The following SMC2 variants were observed in gnomAD, a reference collection of about 807,000 sequenced individuals.
The protein encoded by SMC2 is structural maintenance of chromosomes 2, also known as structural maintenance of chromosomes protein 2.
SMC2 carries 41 observed loss-of-function variants against 142.6 expected under a neutral mutation model. The ratio of observed to expected loss-of-function variants is 0.29; its 90% CI spans 0.22 to 0.37. SMC2 has a LOEUF of 0.37. Ranked by LOEUF, SMC2 falls within the 10% of genes least tolerant of loss-of-function variation. SMC2 has a pLI of 1.00. For missense variants in SMC2, 1,265 were observed against 1,373.7 expected (o/e 0.92, Z 1.25); for synonymous variants, 463 against 457.5 (o/e 1.01, Z -0.15).
At chr9:104,112,227 C>A (rs946087255) in intron 10 of SMC2, among the ~76,000 whole-genome samples, 6 of 152,188 alleles carry the variant, frequency 3.9e-5, no homozygotes, top group African/African-American at 1.4e-4. Flanking sequence ...GCCTGCCATA[C>A]CTAGTTCTTA....
intron 7 of SMC2, 42 bp from the exon 8 acceptor site, chr9:104,101,918 A>T (rs933240477): frequency 1.6e-6 from 2 of 1,258,598 alleles, no homozygotes; most frequent in Non-Finnish European, 2.2e-6. Context: ...TTTTTTTTTA[A>T]TACAATTTTG....
chr9:104,093,783 G>A (rs1830155321), upstream of SMC2, among the ~76,000 whole-genome samples: 1 of 150,630 alleles, frequency 6.6e-6, no homozygotes, highest in Non-Finnish European at 1.5e-5. Flanking sequence ...GCCAGGACGC[G>A]GGCCAGAGTC....
chr9:104,119,919 A>G (rs1833538798), intron 15 of SMC2, 108 bp from the exon 16 acceptor site: 2 of 1,070,716 alleles, frequency 1.9e-6, no homozygotes, highest in Non-Finnish European at 1.4e-6. Context: ...GCTCATTAAA[A>G]TATTTACTAT....
intron 13 of SMC2, among the ~76,000 whole-genome samples, chr9:104,115,816 C>T (rs1833041287): frequency 6.6e-6 from 1 of 152,126 alleles, no homozygotes; most frequent in Admixed American, 6.5e-5. Flanking sequence ...TCCTACCCAA[C>T]TGCAAATATG....
In SMC2 at chr9:104,096,220, A is replaced by G. The variant is rs772178039; in HGVS notation, c.241A>G (p.Ile81Val). 10 of 1,613,922 alleles carry G rather than the reference A, an allele frequency of 6.2e-6. No individual in the cohort carries two copies. The highest frequency in any genetic ancestry group is 3.3e-5 in the South Asian group (3 of 91,084). ...QAGITKASVS[I>V]TFDNSDKKQS... ...TGGTATTACCAAAGCCTCTGTGTCAATCACTTTTGATAATTCTGACAAAAA... is the reference window on the plus strand; with the variant it reads ...TGGTATTACCAAAGCCTCTGTGTCAGTCACTTTTGATAATTCTGACAAAAA... The change falls in exon 3 of 25, where the codon ATC (isoleucine) becomes GTC (valine). Residue 81 changes from isoleucine to valine, a missense_variant. Physicochemically the swap from Ile to Val is conservative, Grantham distance 29 (BLOSUM62 3). Around this residue, in one of 4 missense-constraint regions of SMC2, gnomAD observed 168 missense variants for 184.8 expected, o/e 0.91. Transcript: ENST00000374793.
At chr9:104,109,586 CGAA>C (rs1832193592) in intron 9 of SMC2, among the ~76,000 whole-genome samples, 1 of 152,090 alleles carries the variant, frequency 6.6e-6, no homozygotes. Flanking sequence ...CAGTGGTTTC[CGAA>C]TTACGCGTAT....
At chr9:104,137,925 T>C in intron 23 of SMC2, 93 bp from the exon 24 acceptor site, 3 of 799,550 alleles carry the variant, frequency 3.8e-6, no homozygotes, top group Non-Finnish European at 5.5e-6. Context: ...ATAAATCTGC[T>C]CTATTCACAA....
chr9:104,092,313 A>G (rs1829996868), upstream of SMC2: 1 of 152,212 alleles, frequency 6.6e-6, no homozygotes, highest in Non-Finnish European at 1.5e-5. Context: ...ATCCAACAAC[A>G]GTGCACTTGT....
intron 15 of SMC2, among the ~76,000 whole-genome samples, chr9:104,118,838 C>T (rs1042414312): frequency 6.6e-6 from 1 of 152,058 alleles, no homozygotes; most frequent in South Asian, 2.1e-4. Flanking sequence ...ATGGATAATT[C>T]GACAATGCAG....
chr9:104,112,674 C>T (rs1034265301), intron 10 of SMC2, among the ~76,000 whole-genome samples: 3 of 152,106 alleles, frequency 2.0e-5, no homozygotes, highest in African/African-American at 7.2e-5. Context: ...GGGAAAAATA[C>T]ATCATTATAC....
upstream of SMC2, among the ~76,000 whole-genome samples, chr9:104,094,009 G>A (rs1000659202): frequency 6.6e-6 from 1 of 152,208 alleles, no homozygotes; most frequent in East Asian, 1.9e-4. Flanking sequence ...TGTGCCTAAC[G>A]CGAACTAGAG....
At chr9:104,112,886 T>C (rs181549762) in intron 10 of SMC2, among the ~76,000 whole-genome samples, 1 of 152,272 alleles carries the variant, frequency 6.6e-6, no homozygotes, top group African/African-American at 2.4e-5. Context: ...TTACGTCTTA[T>C]TGCTCAATTC....
upstream of SMC2, among the ~76,000 whole-genome samples, chr9:104,090,563 A>C (rs890598980): frequency 1.3e-5 from 2 of 152,222 alleles, no homozygotes; most frequent in Non-Finnish European, 2.9e-5. Context: ...GCAGCCCTGC[A>C]ACAGATCTAA....
At chr9:104,112,501 T>C (rs974299306) in intron 10 of SMC2, among the ~76,000 whole-genome samples, 1 of 152,092 alleles carries the variant, frequency 6.6e-6, no homozygotes, top group Non-Finnish European at 1.5e-5. Context: ...TGTACACAAA[T>C]GTGTGTGATT....
intron 9 of SMC2, among the ~76,000 whole-genome samples, chr9:104,110,348 G>A (rs745821452): frequency 8.5e-5 from 13 of 152,120 alleles, no homozygotes; most frequent in East Asian, 3.9e-4. Flanking sequence ...TAAACTTATC[G>A]CATCAATAAA....
chr9:104,099,616 C>T, intron 4 of SMC2, 28 bp from the exon 5 acceptor site: 2 of 1,440,230 alleles, frequency 1.4e-6, no homozygotes. Context: ...AATTTGTTAT[C>T]TTAGTAAGTT....
intron 23 of SMC2, among the ~76,000 whole-genome samples, chr9:104,137,107 T>C (rs919197623): frequency 3.9e-5 from 6 of 152,106 alleles, no homozygotes; most frequent in Non-Finnish European, 7.4e-5. Context: ...GAGATTGTGC[T>C]ACTGCACTTC....
chr9:104,100,086 A>T lies in SMC2; in HGVS notation c.481-7A>T. On this transcript the variant is annotated splice_region_variant and splice_polypyrimidine_tract_variant and intron_variant, in intron 5 of 24. Coordinates refer to ENST00000374793, the MANE Select transcript of SMC2 (RefSeq NM_006444.3). ...GATACTAAACATTAATAAAATTGTCATTCCAGATTTTATCCATGATAGAAG... is the reference window on the plus strand; with the variant it reads ...GATACTAAACATTAATAAAATTGTCTTTCCAGATTTTATCCATGATAGAAG... 6.9e-7 allele frequency: 1 copy of T among 1,439,116 alleles called. No individual in the cohort carries two copies. The highest frequency in any genetic ancestry group is 1.3e-5 in the South Asian group (1 of 79,998). The allele number at this position is 1,439,116 out of a possible 1,614,324, so 89.1% of individuals were successfully genotyped here.
intron 5 of SMC2, 35 bp from the exon 6 acceptor site, chr9:104,100,058 T>G: frequency 8.5e-7 from 1 of 1,175,516 alleles, no homozygotes. Context: ...ACACATTGTC[T>G]TGGATACTAA....
Sources: gnomAD v4.1 joint callset for allele counts (sites outside exome capture counted in the v4.1 genomes callset) on GRCh38, gnomAD v4.1.1 for gene constraint, gnomAD v4.1.1 regional missense constraint, MANE v1.5 for transcripts, NCBI Gene and HGNC (gene_info 2026-07-23, HGNC 2026-07-21) for gene names.